The following PTPRK variants were observed in gnomAD, a reference collection of about 807,000 sequenced individuals.
PTPRK encodes receptor-type tyrosine-protein phosphatase kappa.
Under a neutral mutation model 178.0 loss-of-function variants are expected in PTPRK, and 75 were observed. That is an observed-to-expected ratio of 0.42 (90% confidence interval 0.35 to 0.51). The LOEUF is 0.51. Ranked by LOEUF, PTPRK falls within the 20% of genes least tolerant of loss-of-function variation. The pLI is 0.02. For missense variants in PTPRK, 1,441 were observed against 1,797.8 expected, an observed-to-expected ratio of 0.80 and a Z score of 3.59; for synonymous variants, 637 against 620.6, an observed-to-expected ratio of 1.03 and a Z score of -0.39.
intron 7 of PTPRK, among the ~76,000 whole-genome samples, chr6:128,183,859 G>C (rs1395530440): frequency 6.6e-6 from 1 of 152,024 alleles, no homozygotes; most frequent in East Asian, 1.9e-4. Flanking sequence ...TTAGTCATGA[G>C]GAAGGCAACA....
chr6:128,194,319 C>T (rs2081975177), intron 6 of PTPRK, among the ~76,000 whole-genome samples: 1 of 151,946 alleles, frequency 6.6e-6, no homozygotes, highest in African/African-American at 2.4e-5. Flanking sequence ...ATCTCCTGAC[C>T]TCGTGATCCA....
intron 1 of PTPRK, among the ~76,000 whole-genome samples, chr6:128,428,101 G>GA (rs1050022020): frequency 4.0e-5 from 6 of 150,760 alleles, no homozygotes; most frequent in East Asian, 1.9e-4. Flanking sequence ...CGAAAAAAAA[G>GA]AAAAAAAAAG....
chr6:128,348,176 C>T (rs1832669730), intron 2 of PTPRK, among the ~76,000 whole-genome samples: 1 of 151,944 alleles, frequency 6.6e-6, no homozygotes, highest in Non-Finnish European at 1.5e-5. Context: ...TTTCCAAGTA[C>T]ATACTTATTT....
chr6:128,300,200 A>G (rs1440196696), intron 3 of PTPRK, among the ~76,000 whole-genome samples: 1 of 152,152 alleles, frequency 6.6e-6, no homozygotes, highest in Non-Finnish European at 1.5e-5. Flanking sequence ...TAGAATGGCA[A>G]TCATTAAAAA....
chr6:128,472,430 CCT>C (rs1491375684), intron 1 of PTPRK, among the ~76,000 whole-genome samples: 1 of 146,932 alleles, frequency 6.8e-6, no homozygotes, highest in African/African-American at 2.5e-5. Flanking sequence ...ACCCCCCCCC[CCT>C]TTAGCTTAGG....
intron 1 of PTPRK, among the ~76,000 whole-genome samples, chr6:128,440,036 C>G (rs1336928207): frequency 1.3e-5 from 2 of 152,078 alleles, no homozygotes; most frequent in East Asian, 3.8e-4. Flanking sequence ...TCAACCAAAC[C>G]AGAGAGAAAA....
intron 1 of PTPRK, among the ~76,000 whole-genome samples, chr6:128,444,829 G>A (rs1232204799): frequency 1.3e-5 from 2 of 152,092 alleles, no homozygotes; most frequent in African/African-American, 2.4e-5. Context: ...TTCCTTCAAA[G>A]CCAGGATTTT....
intron 1 of PTPRK, among the ~76,000 whole-genome samples, chr6:128,441,253 A>C (rs2128400382): frequency 6.6e-6 from 1 of 152,240 alleles, no homozygotes; most frequent in East Asian, 1.9e-4. Context: ...TAGCCACTTA[A>C]ACCTCTGAAA....
chr6:128,464,948 C>A (rs1053241717), intron 1 of PTPRK, among the ~76,000 whole-genome samples: 1 of 151,248 alleles, frequency 6.6e-6, no homozygotes, highest in Non-Finnish European at 1.5e-5. Context: ...TTTGTTCTCT[C>A]TCCCGGGTTT....
At chr6:128,492,179 T>C (rs1297391501) in intron 1 of PTPRK, among the ~76,000 whole-genome samples, 1 of 152,152 alleles carries the variant, frequency 6.6e-6, no homozygotes, top group African/African-American at 2.4e-5. Flanking sequence ...AGTACCGTAC[T>C]TCTGGGCCCT....
chr6:128,425,231 C>T (rs2128389649), intron 1 of PTPRK, among the ~76,000 whole-genome samples: 1 of 152,160 alleles, frequency 6.6e-6, no homozygotes, highest in South Asian at 2.1e-4. Flanking sequence ...GCATGTGTCA[C>T]CATGCCCAGC....
chr6:128,174,381 G>A (rs903496827), intron 7 of PTPRK, among the ~76,000 whole-genome samples: 7 of 151,826 alleles, frequency 4.6e-5, no homozygotes, highest in Non-Finnish European at 5.9e-5. Context: ...TGCCACTAGC[G>A]TAAAAATTAG....
intron 7 of PTPRK, among the ~76,000 whole-genome samples, chr6:128,138,529 T>C (rs191167618): frequency 2.6e-5 from 4 of 152,264 alleles, no homozygotes; most frequent in African/African-American, 9.6e-5. Flanking sequence ...TATCTAAACC[T>C]TCCTCTGAAA....
chr6:127,988,788 C>T (rs879624224), intron 21 of PTPRK, among the ~76,000 whole-genome samples: 14 of 151,774 alleles, frequency 9.2e-5, no homozygotes, highest in African/African-American at 1.2e-4. Context: ...TTTCAATAAA[C>T]AAGCTTTTTC....
chr6:128,459,614 C>G (rs1383063340), intron 1 of PTPRK, among the ~76,000 whole-genome samples: 2 of 152,188 alleles, frequency 1.3e-5, no homozygotes, highest in African/African-American at 4.8e-5. Context: ...TAGTCTGTTG[C>G]TATCATTCTT....
chr6:128,294,965 G>A (rs890245776), intron 3 of PTPRK, among the ~76,000 whole-genome samples: 2 of 151,728 alleles, frequency 1.3e-5, no homozygotes, highest in African/African-American at 2.4e-5. Context: ...AAAGACATAT[G>A]GTTAGAATTA....
intron 3 of PTPRK, among the ~76,000 whole-genome samples, chr6:128,298,024 TA>T (rs1378647453): frequency 2.0e-5 from 3 of 151,814 alleles, no homozygotes; most frequent in African/African-American, 7.3e-5. Flanking sequence ...ATAGATGCAA[TA>T]AAAAATGATA....
intron 2 of PTPRK, among the ~76,000 whole-genome samples, chr6:128,335,016 AG>A (rs1830733773): frequency 6.6e-6 from 1 of 152,200 alleles, no homozygotes; most frequent in South Asian, 2.1e-4. Context: ...TGAACCCAGG[AG>A]GCGAAGTTTG....
At chr6:128,487,721 T>C (rs996637866) in intron 1 of PTPRK, among the ~76,000 whole-genome samples, 1 of 152,184 alleles carries the variant, frequency 6.6e-6, no homozygotes, top group Non-Finnish European at 1.5e-5. Context: ...AATAGAGTTT[T>C]CCCTGCGTCT....
Sources: gnomAD v4.1 joint callset for allele counts (sites outside exome capture counted in the v4.1 genomes callset) on GRCh38, gnomAD v4.1.1 for gene constraint, MANE v1.5 for transcripts, NCBI Gene and HGNC (gene_info 2026-07-23, HGNC 2026-07-21) for gene names.